Variants in HPSE2 observed in about 807,000 individuals in gnomAD.
The protein encoded by HPSE2 is heparanase 2 (inactive).
A neutral mutation model predicts 60.5 loss-of-function variants in HPSE2; 38 were observed. That is an observed-to-expected ratio of 0.63 (90% confidence interval 0.48 to 0.82). HPSE2 has a LOEUF of 0.82. Among genes scored for constraint, HPSE2 ranks in the 40% least tolerant of loss-of-function variants. The pLI, the probability that HPSE2 is intolerant of heterozygous loss-of-function variation, is 0.00. For missense variants in HPSE2, 713 were observed against 740.4 expected (o/e 0.96, Z 0.43); for synonymous variants, 295 against 293.2 (o/e 1.01, Z -0.06).
intron 3 of HPSE2, among the ~76,000 whole-genome samples, chr10:99,046,260 A>T (rs2135487241): frequency 6.6e-6 from 1 of 152,264 alleles, no homozygotes; most frequent in African/African-American, 2.4e-5. Flanking sequence ...ATACAGAAAA[A>T]GCTTTTGATT....
At chr10:98,611,441 A>C (rs555228661) in intron 9 of HPSE2, among the ~76,000 whole-genome samples, 1 of 152,290 alleles carries the variant, frequency 6.6e-6, no homozygotes, top group South Asian at 2.1e-4. Context: ...CACTTTTCTC[A>C]ATTTATTCAA....
chr10:99,159,876 C>G (rs1175644162), intron 2 of HPSE2, among the ~76,000 whole-genome samples: 1 of 152,120 alleles, frequency 6.6e-6, no homozygotes, highest in Non-Finnish European at 1.5e-5. Context: ...CATGGTGGCT[C>G]ACATCTGTAA....
intron 3 of HPSE2, among the ~76,000 whole-genome samples, chr10:98,891,826 G>A (rs1953343932): frequency 6.6e-6 from 1 of 151,970 alleles, no homozygotes; most frequent in Non-Finnish European, 1.5e-5. Flanking sequence ...CTGGAGTGCA[G>A]TGGCATGATC....
At chr10:99,273,280 G>A in the HPSE2 span, among the ~76,000 whole-genome samples, 1 of 152,126 alleles carries the variant, frequency 6.6e-6, no homozygotes, top group Non-Finnish European at 1.5e-5. Context: ...AGAGTGAGGG[G>A]CATGAGGGAT....
intron 7 of HPSE2, among the ~76,000 whole-genome samples, chr10:98,638,137 CAA>C (rs34364786): frequency 0.048 from 692 of 14,544 alleles, 5 homozygotes; most frequent in African/African-American, 0.14. Context: ...AGACCCATCT[CAA>C]AAAAAAAAAA....
At chr10:99,249,551 T>C in the HPSE2 span, among the ~76,000 whole-genome samples, 1 of 152,258 alleles carries the variant, frequency 6.6e-6, no homozygotes, top group Non-Finnish European at 1.5e-5. Flanking sequence ...AGACTTGCCT[T>C]GTCTCAGATG....
At chr10:98,591,661 CAAAAT>C (rs1177932160) in intron 9 of HPSE2, among the ~76,000 whole-genome samples, 1 of 151,060 alleles carries the variant, frequency 6.6e-6, no homozygotes, top group East Asian at 1.9e-4. Flanking sequence ...GACTCTATCT[CAAAAT>C]AAAATAAAAT....
chr10:99,153,960 AGCCTC>A (rs1194960348), intron 2 of HPSE2, among the ~76,000 whole-genome samples: 1 of 152,182 alleles, frequency 6.6e-6, no homozygotes, highest in Non-Finnish European at 1.5e-5. Context: ...AGAATGCAGA[AGCCTC>A]AGGAGCTGAT....
In HPSE2 at chr10:99,132,208, AG is replaced by A. The variant is rs1564832971; in HGVS notation, c.610+12029del. Among the ~76,000 whole-genome samples the A allele has an allele frequency of 1.7e-3, 38 of 22,854 alleles. 1 individual carries two copies. The highest frequency in any genetic ancestry group is 2.3e-3 in the African/African-American group (34 of 14,730). 15.0% of individuals were successfully genotyped at this position (22,854 alleles called of 152,430 possible). ...AAGAAAGAAAGAGAGAGAGAGAGAG[AG>A]AGAGAGAGAGAGAGAGAGAGAGAGA... is the stretch of plus-strand genomic sequence containing the variant. On this transcript the variant is annotated intron_variant, in intron 3 of 11. Transcript: ENST00000370552.
intron 7 of HPSE2, among the ~76,000 whole-genome samples, 160 bp from the exon 8 acceptor site, chr10:98,620,868 G>T (rs759279276): frequency 6.6e-6 from 1 of 152,126 alleles, no homozygotes; most frequent in Non-Finnish European, 1.5e-5. Context: ...TCAGTGAGTT[G>T]GCATTCACAA....
At chr10:98,608,464 G>A (rs558460832) in intron 9 of HPSE2, among the ~76,000 whole-genome samples, 2 of 152,206 alleles carry the variant, frequency 1.3e-5, no homozygotes, top group Admixed American at 1.3e-4. Flanking sequence ...TCAGAGGAAC[G>A]TCTACGTGAA....
chr10:99,032,403 C>T (rs1957518194), intron 3 of HPSE2, among the ~76,000 whole-genome samples: 2 of 152,182 alleles, frequency 1.3e-5, no homozygotes, highest in Non-Finnish European at 2.9e-5. Context: ...TAATCTTCAA[C>T]ACGAATTCCA....
At chr10:99,024,269 G>A (rs1033828613) in intron 3 of HPSE2, among the ~76,000 whole-genome samples, 1 of 152,036 alleles carries the variant, frequency 6.6e-6, no homozygotes, top group Admixed American at 6.6e-5. Context: ...CTTGAAGACA[G>A]GCTATTTAAA....
chr10:99,146,905 C>T (rs1184083195), intron 2 of HPSE2, among the ~76,000 whole-genome samples: 2 of 152,048 alleles, frequency 1.3e-5, no homozygotes, highest in Non-Finnish European at 2.9e-5. Context: ...GGATTACACA[C>T]TAAAAGTGTT....
At position 98,503,166 on chromosome 10, in the gene HPSE2, C is replaced by T. The variant is rs185914197; in HGVS notation, c.1321-12970G>A. The stretch of plus-strand genomic sequence containing the variant: ...GGTGGAGGTTGCAGTGAGCCAAGAT[C>T]GCGCCATTGCACTCCAGCCTGGGTG... On this transcript the variant is annotated intron_variant, in intron 9 of 11. Coordinates refer to ENST00000370552, the MANE Select transcript of HPSE2 (RefSeq NM_021828.5). 5.1e-4 allele frequency among the ~76,000 whole-genome samples: 75 copies of T among 147,712 alleles called. 1 individual carries two copies. In the East Asian group the frequency reaches 0.015, roughly 29 times the overall value.
At chr10:99,144,835 T>C (rs1261758172) in intron 2 of HPSE2, among the ~76,000 whole-genome samples, 1 of 152,180 alleles carries the variant, frequency 6.6e-6, no homozygotes, top group Non-Finnish European at 1.5e-5. Flanking sequence ...CATGTGTATT[T>C]AGGATACTTG....
At chr10:98,689,184 C>A (rs1265805908) in intron 6 of HPSE2, among the ~76,000 whole-genome samples, 1 of 151,988 alleles carries the variant, frequency 6.6e-6, no homozygotes, top group African/African-American at 2.4e-5. Flanking sequence ...AAATTTCTGC[C>A]ACATTTTCTT....
At chr10:98,920,464 C>G (rs374134025) in intron 3 of HPSE2, among the ~76,000 whole-genome samples, 16 of 152,268 alleles carry the variant, frequency 1.1e-4, no homozygotes, top group African/African-American at 3.6e-4. Context: ...TGACACAATA[C>G]TTTAAGTAAA....
chr10:98,560,164 C>T (rs1295769100), intron 9 of HPSE2, among the ~76,000 whole-genome samples: 1 of 152,146 alleles, frequency 6.6e-6, no homozygotes, highest in Non-Finnish European at 1.5e-5. Context: ...CTCTGAGTCG[C>T]TTAGTTTCCC....
Sources: allele counts gnomAD v4.1 joint callset (sites outside exome capture counted in the v4.1 genomes callset), GRCh38; gene constraint gnomAD v4.1.1; transcripts MANE v1.5; gene names NCBI Gene and HGNC (gene_info 2026-07-23, HGNC 2026-07-21).